The following SPAG16 variants were observed in gnomAD, a reference collection of about 807,000 sequenced individuals.
The protein encoded by SPAG16 is sperm associated antigen 16.
Under a neutral mutation model 80.4 loss-of-function variants are expected in SPAG16, and 86 were observed. The observed-to-expected ratio is 1.07, with a 90% CI of 0.90 to 1.28. The LOEUF (loss-of-function observed/expected upper bound fraction) is 1.28, where lower values mean the gene tolerates loss of function less well. SPAG16 is among the 50% of genes most tolerant of loss of function. SPAG16 has a pLI of 0.00. For synonymous variants in SPAG16, 294 were observed against 265.9 expected (o/e 1.11, Z -1.03); for missense variants, 870 against 765.3 (o/e 1.14, Z -1.61).
intron 11 of SPAG16, among the ~76,000 whole-genome samples, chr2:213,878,031 C>A (rs1310438635): frequency 6.6e-6 from 1 of 152,166 alleles, no homozygotes; most frequent in Non-Finnish European, 1.5e-5. Context: ...AACACAAGCA[C>A]TTTGTCTTTG....
intron 15 of SPAG16, among the ~76,000 whole-genome samples, chr2:214,315,835 C>T (rs993060696): frequency 2.6e-5 from 4 of 152,170 alleles, no homozygotes; most frequent in Non-Finnish European, 5.9e-5. Flanking sequence ...CCTGGCCCTT[C>T]TTTTTCTTTT....
At chr2:213,773,534 T>C (rs2069384661) in intron 10 of SPAG16, among the ~76,000 whole-genome samples, 1 of 152,108 alleles carries the variant, frequency 6.6e-6, no homozygotes, top group South Asian at 2.1e-4. Context: ...TTCTTTTTGT[T>C]TTAATTTGGA....
At chr2:214,185,843 A>G (rs1226961001) in intron 15 of SPAG16, among the ~76,000 whole-genome samples, 1 of 152,124 alleles carries the variant, frequency 6.6e-6, no homozygotes, top group Non-Finnish European at 1.5e-5. Flanking sequence ...CACACCCAAC[A>G]AGATATGCCC....
intron 10 of SPAG16, among the ~76,000 whole-genome samples, chr2:213,538,848 A>G (rs1349838350): frequency 6.6e-6 from 1 of 152,170 alleles, no homozygotes; most frequent in Non-Finnish European, 1.5e-5. Flanking sequence ...TCTATTATCT[A>G]TCTATCATCT....
chr2:214,108,562 CTT>C (rs1275049874), intron 14 of SPAG16, among the ~76,000 whole-genome samples: 1 of 151,530 alleles, frequency 6.6e-6, no homozygotes, highest in Non-Finnish European at 1.5e-5. Flanking sequence ...TTTTAAGAGC[CTT>C]TTGTCCAATT....
chr2:214,005,301 C>T (rs933761855), intron 12 of SPAG16, among the ~76,000 whole-genome samples: 6 of 152,264 alleles, frequency 3.9e-5, no homozygotes, highest in African/African-American at 1.2e-4. Context: ...GAGTTGCTAG[C>T]TCTACTATGA....
chr2:213,986,762 G>A (rs2046024574), intron 12 of SPAG16, among the ~76,000 whole-genome samples: 3 of 151,274 alleles, frequency 2.0e-5, no homozygotes, highest in Admixed American at 2.0e-4. Flanking sequence ...TGTGAAGTTG[G>A]GAAAAAAGAA....
chr2:213,714,801 G>T (rs981686449), intron 10 of SPAG16, among the ~76,000 whole-genome samples: 85 of 152,176 alleles, frequency 5.6e-4, no homozygotes, highest in African/African-American at 2.0e-3. Flanking sequence ...AACGAATCTG[G>T]TAACAGAGTA....
chr2:214,171,775 G>C (rs535599241), intron 15 of SPAG16, among the ~76,000 whole-genome samples: 1 of 151,704 alleles, frequency 6.6e-6, no homozygotes, highest in Non-Finnish European at 1.5e-5. Flanking sequence ...AACTGATACT[G>C]GTGCATCAAG....
intron 10 of SPAG16, among the ~76,000 whole-genome samples, chr2:213,588,573 C>T (rs1435268683): frequency 6.7e-6 from 1 of 150,258 alleles, no homozygotes; most frequent in Non-Finnish European, 1.5e-5. Context: ...GAGGCCGAGG[C>T]GGGTGGATCA....
In SPAG16 at chr2:214,128,180, G is replaced by T. The variant is rs368125532; in HGVS notation, c.1593+19919G>T. Among the ~76,000 whole-genome samples, 144 of 151,890 alleles carry T rather than the reference G, an allele frequency of 9.5e-4. 2 individuals are homozygous for T. In the South Asian group the frequency reaches 0.023, roughly 24 times the overall value. On this transcript the variant is annotated intron_variant, in intron 14 of 15. Transcript: ENST00000331683. Reference sequence around the variant, plus strand: ...TGTTCAGAAGAAAATAAGCTGACGGGCAGGGGGAAAACCTCTCAAGTTATA... The same window carrying T: ...TGTTCAGAAGAAAATAAGCTGACGGTCAGGGGGAAAACCTCTCAAGTTATA...
chr2:214,237,089 T>C (rs1221291632), intron 15 of SPAG16, among the ~76,000 whole-genome samples: 1 of 152,198 alleles, frequency 6.6e-6, no homozygotes, highest in Non-Finnish European at 1.5e-5. Context: ...ATATCATATG[T>C]AGAGTATTGA....
At chr2:213,439,492 G>A (rs1440101648) in intron 9 of SPAG16, among the ~76,000 whole-genome samples, 1 of 152,168 alleles carries the variant, frequency 6.6e-6, no homozygotes, top group Non-Finnish European at 1.5e-5. Flanking sequence ...AAGCTTAATG[G>A]AATTATGTCC....
chr2:213,773,957 A>G (rs966304315), intron 10 of SPAG16, among the ~76,000 whole-genome samples: 1 of 152,290 alleles, frequency 6.6e-6, no homozygotes, highest in Non-Finnish European at 1.5e-5. Context: ...CATATATTAT[A>G]TTTCTAACAT....
chr2:213,651,649 C>T (rs752261522), intron 10 of SPAG16, among the ~76,000 whole-genome samples: 71 of 152,076 alleles, frequency 4.7e-4, no homozygotes, highest in Non-Finnish European at 8.4e-4. Context: ...AAATTGCACA[C>T]GAAAATGTCT....
chr2:213,980,196 TTA>T (rs1469720800), intron 12 of SPAG16, among the ~76,000 whole-genome samples: 1 of 141,522 alleles, frequency 7.1e-6, no homozygotes, highest in Non-Finnish European at 1.5e-5. Context: ...AATACAAATT[TTA>T]TATATATATA....
chr2:214,160,518 G>T (rs1190623736), intron 15 of SPAG16, among the ~76,000 whole-genome samples: 2 of 151,344 alleles, frequency 1.3e-5, no homozygotes, highest in African/African-American at 4.9e-5. Context: ...ACAAATAACT[G>T]AATTAATCAT....
At chr2:214,238,413 T>A (rs1689224162) in intron 15 of SPAG16, 1 of 164,034 alleles carries the variant, frequency 6.1e-6, no homozygotes, top group Admixed American at 6.3e-5. Flanking sequence ...CTCAAGATCA[T>A]TTTGTGAATT....
intron 9 of SPAG16, among the ~76,000 whole-genome samples, chr2:213,427,806 C>T (rs1366747167): frequency 6.6e-6 from 1 of 152,160 alleles, no homozygotes; most frequent in Non-Finnish European, 1.5e-5. Context: ...AGCATCTTAT[C>T]TGCTTTATAA....
Sources: allele counts gnomAD v4.1 joint callset (sites outside exome capture counted in the v4.1 genomes callset), GRCh38; gene constraint gnomAD v4.1.1; transcripts MANE v1.5; gene names NCBI Gene and HGNC (gene_info 2026-07-23, HGNC 2026-07-21).